The following ZCCHC7 variants were observed in gnomAD, a reference collection of about 807,000 sequenced individuals.
ZCCHC7 encodes the protein zinc finger CCHC-type containing 7, also known as zinc finger CCHC domain-containing protein 7.
In ZCCHC7, 35 loss-of-function variants were observed where a neutral mutation model predicts 52.0. The observed-to-expected ratio is 0.67, with a 90% confidence interval of 0.51 to 0.89. ZCCHC7 has a LOEUF of 0.89. Among genes scored for constraint, ZCCHC7 ranks in the 40% least tolerant of loss-of-function variants. The pLI, the probability that ZCCHC7 is intolerant of heterozygous loss-of-function variation, is 0.00. For missense variants in ZCCHC7, 574 were observed against 649.1 expected, an observed-to-expected ratio of 0.88 and a Z score of 1.26; for synonymous variants, 217 against 221.5, an observed-to-expected ratio of 0.98 and a Z score of 0.18.
intron 2 of ZCCHC7, among the ~76,000 whole-genome samples, chr9:37,145,161 A>G (rs1843384120): frequency 1.3e-5 from 2 of 151,966 alleles, no homozygotes; most frequent in Admixed American, 1.3e-4. Context: ...AAGGGGCTGA[A>G]TGGGCTAAAG....
chr9:37,171,463 C>T (rs114609627), intron 2 of ZCCHC7, among the ~76,000 whole-genome samples: 7,753 of 152,104 alleles, frequency 0.051, 648 homozygotes, highest in African/African-American at 0.18. Flanking sequence ...AAGATACAGG[C>T]GGAAGTGCAG....
At chr9:37,195,948 T>A (rs933477795) in intron 2 of ZCCHC7, among the ~76,000 whole-genome samples, 3 of 149,096 alleles carry the variant, frequency 2.0e-5, no homozygotes, top group Non-Finnish European at 4.6e-5. Context: ...TTTAAAATAA[T>A]TCAACTACTG....
intron 5 of ZCCHC7, among the ~76,000 whole-genome samples, chr9:37,314,406 T>C (rs559394036): frequency 2.4e-4 from 37 of 152,314 alleles, no homozygotes; most frequent in Middle Eastern, 3.4e-3. Context: ...TTATTAAATT[T>C]CAAACTTATT....
intron 2 of ZCCHC7, among the ~76,000 whole-genome samples, chr9:37,166,354 G>A (rs537767245): frequency 5.9e-4 from 90 of 152,086 alleles, no homozygotes; most frequent in Non-Finnish European, 7.8e-4. Context: ...CCGAGATCGC[G>A]CCACTGCACT....
rs538788223 is a variant in ZCCHC7 at position 37,329,158 on chromosome 9, T to C, written c.987+1324T>C. Among the ~76,000 whole-genome samples, 113 of 151,948 alleles carry C rather than the reference T, an allele frequency of 7.4e-4. 1 individual carries two copies. In the South Asian group the frequency reaches 0.013, roughly 18 times the overall value. On this transcript the variant is annotated intron_variant, in intron 6 of 8. Transcript: ENST00000336755. ...GTAACTGTATAAAGTAATATCCTTA[T>C]AGATTTGACATTGCATTTATTTTAG...
intron 2 of ZCCHC7, among the ~76,000 whole-genome samples, chr9:37,179,944 G>A (rs1178277380): frequency 1.3e-5 from 2 of 152,154 alleles, no homozygotes; most frequent in Non-Finnish European, 2.9e-5. Context: ...TTTAAGTCAA[G>A]TGCATAGTAA....
At chr9:37,307,744 T>G (rs1829396193) in intron 5 of ZCCHC7, among the ~76,000 whole-genome samples, 1 of 137,946 alleles carries the variant, frequency 7.2e-6, no homozygotes, top group African/African-American at 3.5e-5. Context: ...CAGATTAGAG[T>G]ATGAGTGTTT....
chr9:37,120,582 G>C lies in ZCCHC7; in HGVS notation c.-63G>C, dbSNP rs560660348. 1 of 399,244 alleles carries C rather than the reference G, an allele frequency of 2.5e-6. No individual in the cohort carries two copies. The highest frequency in any genetic ancestry group is 4.4e-6 in the Non-Finnish European group (1 of 226,262). The allele number at this position is 399,244 out of a possible 1,614,324, so 24.7% of individuals were successfully genotyped here. On this transcript the variant is annotated 5_prime_UTR_variant, in exon 1 of 9. Coordinates refer to ENST00000336755, the MANE Select transcript of ZCCHC7 (RefSeq NM_032226.3). ...CTCGCCCCTCCCCGTCCCTCTACGC[G>C]TTTTGGTTCCCGGTTGGTGCTTCCT...
intron 2 of ZCCHC7, 81 bp from the exon 3 acceptor site, chr9:37,302,107 C>T: frequency 8.6e-7 from 1 of 1,158,314 alleles, no homozygotes. Flanking sequence ...AATTTGAGTA[C>T]TCATAAATTG....
At chr9:37,322,225 T>C (rs1217390489) in intron 5 of ZCCHC7, 2 of 152,184 alleles carry the variant, frequency 1.3e-5, no homozygotes, top group Non-Finnish European at 2.9e-5. Flanking sequence ...TACATCTACA[T>C]GTTCTTCCTG....
chr9:37,267,360 C>T (rs1470078212), intron 2 of ZCCHC7, among the ~76,000 whole-genome samples: 1 of 151,954 alleles, frequency 6.6e-6, no homozygotes, highest in Non-Finnish European at 1.5e-5. Flanking sequence ...TTTATGATTT[C>T]TATTAATGAA....
chr9:37,325,676 C>T (rs1830212650), intron 5 of ZCCHC7, among the ~76,000 whole-genome samples: 2 of 151,874 alleles, frequency 1.3e-5, no homozygotes, highest in South Asian at 4.2e-4. Flanking sequence ...ATATTGACAC[C>T]TAGTTTGAAA....
rs750653980 is a variant in ZCCHC7, at chr9:37,138,162, C to A, written c.610+11220C>A. ...GTTAGGGCATCTTTTTATTTAATTT[C>A]TAATTAGCATAATGACTTGAGCTGT... On this transcript the variant is annotated intron_variant, in intron 2 of 8. Coordinates refer to ENST00000336755, the MANE Select transcript of ZCCHC7 (RefSeq NM_032226.3). Among the ~76,000 whole-genome samples, 12 of 152,120 alleles carry A rather than the reference C, an allele frequency of 7.9e-5. No individual in the cohort carries two copies. The South Asian group carries it at 2.5e-3, about 32-fold the overall frequency.
chr9:37,152,388 T>G (rs1820580725), intron 2 of ZCCHC7, among the ~76,000 whole-genome samples: 1 of 152,198 alleles, frequency 6.6e-6, no homozygotes, highest in Admixed American at 6.5e-5. Flanking sequence ...GCATCAATAT[T>G]AACGACTTAT....
rs201078283 is a variant in ZCCHC7 at position 37,357,169 on chromosome 9, G to A, written c.1533G>A (p.Lys511=). 5.3e-4 allele frequency: 861 copies of A among 1,613,448 alleles called. 1 individual carries two copies. Among genetic ancestry groups the A allele is most frequent in the Non-Finnish European group, 6.9e-4 (820 of 1,179,942 alleles). Residue 511 remains lysine, a synonymous_variant, in exon 9 of 9, where the codon AAG becomes AAA. Transcript: ENST00000336755. The part of the protein sequence containing the change: ...YHTSREDKSP[K]EGKRGKQKKK... ...CGTCAAGAGAAGACAAGTCTCCCAA[G>A]GAAGGCAAGAGGGGCAAGCAGAAGA...
chr9:37,168,014 G>A (rs74517422), intron 2 of ZCCHC7, among the ~76,000 whole-genome samples: 7,709 of 152,146 alleles, frequency 0.051, 641 homozygotes, highest in African/African-American at 0.17. Flanking sequence ...GTATTTCTCT[G>A]TGTAGCATTC....
intron 2 of ZCCHC7, among the ~76,000 whole-genome samples, chr9:37,241,426 G>T (rs1435534798): frequency 6.6e-6 from 1 of 151,788 alleles, no homozygotes; most frequent in African/African-American, 2.4e-5. Flanking sequence ...GAAATGAGAA[G>T]TGCTGTCTCT....
chr9:37,347,511 A>G (rs1821064373), intron 6 of ZCCHC7, among the ~76,000 whole-genome samples: 1 of 152,206 alleles, frequency 6.6e-6, no homozygotes, highest in Non-Finnish European at 1.5e-5. Context: ...TACATGTGCA[A>G]AAGAATAAAT....
In ZCCHC7 at chr9:37,327,796, C is replaced by T. The variant is rs776423812; in HGVS notation, c.952-3C>T. On this transcript the variant is annotated splice_polypyrimidine_tract_variant and splice_region_variant and intron_variant, in intron 5 of 8. Coordinates refer to ENST00000336755, the MANE Select transcript of ZCCHC7 (RefSeq NM_032226.3). ...CCAGCTGATCAATATTTTTATTTTC[C>T]AGGCTTGCACAGAAATCTGGAGGCA... is the stretch of plus-strand genomic sequence containing the variant. 4.1e-5 allele frequency: 66 copies of T among 1,612,794 alleles called. No homozygotes were observed. In the Admixed American group the frequency reaches 1.1e-3, roughly 26 times the overall value.
Sources: allele counts gnomAD v4.1 joint callset (sites outside exome capture counted in the v4.1 genomes callset), GRCh38; gene constraint gnomAD v4.1.1; transcripts MANE v1.5; gene names NCBI Gene and HGNC (gene_info 2026-07-23, HGNC 2026-07-21).